The following CLYBL variants were observed in gnomAD, a reference collection of about 807,000 sequenced individuals.
The protein encoded by CLYBL is citramalyl-CoA lyase, mitochondrial.
In CLYBL, 31 loss-of-function variants were observed where a neutral mutation model predicts 38.9. The ratio of observed to expected loss-of-function variants is 0.80; its 90% CI spans 0.60 to 1.08. The LOEUF (loss-of-function observed/expected upper bound fraction) is 1.08, where lower values mean the gene tolerates loss of function less well. Among genes scored for constraint, CLYBL ranks in the 50% least tolerant of loss-of-function variants. CLYBL has a pLI of 0.00. For synonymous variants in CLYBL, 171 were observed against 158.6 expected, an observed-to-expected ratio of 1.08 and a Z score of -0.59; for missense variants, 434 against 411.6, an observed-to-expected ratio of 1.05 and a Z score of -0.47.
At chr13:99,818,057 G>A (rs556487790) in intron 2 of CLYBL, among the ~76,000 whole-genome samples, 4 of 151,740 alleles carry the variant, frequency 2.6e-5, no homozygotes, top group Non-Finnish European at 2.9e-5. Flanking sequence ...AAGAAGTGAC[G>A]GAAGAAGTGA....
intron 1 of CLYBL, among the ~76,000 whole-genome samples, chr13:99,749,737 T>C (rs2048920248): frequency 6.6e-6 from 1 of 152,202 alleles, no homozygotes; most frequent in Non-Finnish European, 1.5e-5. Flanking sequence ...TGGCACCACA[T>C]GCTAATCTCA....
At position 99,851,150 on chromosome 13, in the gene CLYBL, C is replaced by T. The variant is rs570787641; in HGVS notation, c.250-7711C>T. ...CACTTTGGGAGGCTGAGTGGGTCAC[C>T]TGAGGTCAGGAGTTTGAGACCAGCC... On this transcript the variant is annotated intron_variant, in intron 2 of 8. Transcript: ENST00000339105. 2.0e-5 allele frequency among the ~76,000 whole-genome samples: 3 copies of T among 151,982 alleles called. No homozygotes were observed. In the South Asian group the frequency reaches 6.3e-4, roughly 32 times the overall value.
intron 1 of CLYBL, among the ~76,000 whole-genome samples, chr13:99,760,965 T>C (rs1232101150): frequency 6.6e-6 from 1 of 152,218 alleles, no homozygotes; most frequent in East Asian, 1.9e-4. Flanking sequence ...TAGGTCTTAC[T>C]TCTTTATCAA....
chr13:99,901,607 G>A (rs1270289445), downstream of CLYBL, among the ~76,000 whole-genome samples: 3 of 150,694 alleles, frequency 2.0e-5, no homozygotes, highest in African/African-American at 7.3e-5. Flanking sequence ...TGCTGCCAAA[G>A]TTGCTATTTC....
intron 1 of CLYBL, among the ~76,000 whole-genome samples, chr13:99,642,229 T>C (rs2047106556): frequency 6.6e-6 from 1 of 152,134 alleles, no homozygotes; most frequent in South Asian, 2.1e-4. Context: ...ATGCTGACTC[T>C]TCAGTGCTGT....
intron 1 of CLYBL, among the ~76,000 whole-genome samples, chr13:99,725,295 T>A (rs2048454673): frequency 6.6e-6 from 1 of 152,180 alleles, no homozygotes; most frequent in South Asian, 2.1e-4. Context: ...CCGTGCGGTT[T>A]TTTTAAGGTT....
chr13:99,907,690 T>A (rs1388191663), intron 9 of CLYBL, among the ~76,000 whole-genome samples: 1 of 151,946 alleles, frequency 6.6e-6, no homozygotes, highest in Non-Finnish European at 1.5e-5. Context: ...GACCCCTCTA[T>A]CTCTAAAAAA....
chr13:99,623,601 T>A (rs894260631), intron 1 of CLYBL, among the ~76,000 whole-genome samples: 7 of 152,048 alleles, frequency 4.6e-5, no homozygotes, highest in Non-Finnish European at 1.0e-4. Flanking sequence ...AACACTTCCC[T>A]CCTTAGGTCC....
In CLYBL at chr13:99,650,426, AAAG is replaced by A. The variant is rs2047237101; in HGVS notation, c.62+43673_62+43675del. Reference sequence around the variant, plus strand: ...GACAGAATGAGACCCTGTCTCAAAAAAAGAAGTTTTCAAGAGGGGAAGAAATAA... The same window carrying A: ...GACAGAATGAGACCCTGTCTCAAAAAAAGTTTTCAAGAGGGGAAGAAATAA... On this transcript the variant is annotated intron_variant, in intron 1 of 8. Transcript: ENST00000339105. Among the ~76,000 whole-genome samples, 5 of 152,316 alleles carry A rather than the reference AAAG, an allele frequency of 3.3e-5. No homozygotes were observed. In the South Asian group the frequency reaches 1.0e-3, roughly 32 times the overall value.
At chr13:99,737,982 A>G (rs17577153) in intron 1 of CLYBL, among the ~76,000 whole-genome samples, 7,472 of 152,302 alleles carry the variant, frequency 0.049, 277 homozygotes, top group Admixed American at 0.086. Flanking sequence ...CTTCATGGTA[A>G]TTGAGAATGA....
intron 1 of CLYBL, among the ~76,000 whole-genome samples, chr13:99,668,570 A>G (rs2047516987): frequency 7.1e-6 from 1 of 139,910 alleles, no homozygotes; most frequent in Non-Finnish European, 1.5e-5. Flanking sequence ...TGGGAGACAG[A>G]GCGAAACTCC....
intron 1 of CLYBL, among the ~76,000 whole-genome samples, chr13:99,716,787 CT>C (rs1260332084): frequency 0.015 from 1,532 of 100,912 alleles, 6 homozygotes; most frequent in African/African-American, 0.051. Flanking sequence ...CTTTTCTTTT[CT>C]TTTTTTTTTT....
chr13:99,908,938 G>C (rs2052723721), exon 10 of CLYBL, among the ~76,000 whole-genome samples: 1 of 152,194 alleles, frequency 6.6e-6, no homozygotes, highest in South Asian at 2.1e-4. Flanking sequence ...ATGTAACTCA[G>C]AGTCCCATTC....
intron 7 of CLYBL, among the ~76,000 whole-genome samples, chr13:99,890,435 C>T (rs2052459767): frequency 1.3e-5 from 2 of 152,104 alleles, no homozygotes; most frequent in South Asian, 4.1e-4. Context: ...TTCAACAGAT[C>T]TATGATTCCT....
chr13:99,832,999 CATACATACATATATATATAT>C (rs1318552763), intron 2 of CLYBL, among the ~76,000 whole-genome samples: 4 of 53,678 alleles, frequency 7.5e-5, no homozygotes, highest in East Asian at 1.6e-3. Flanking sequence ...TATATACATA[CATACATACATATATATATAT>C]ATATATATAT....
At chr13:99,749,287 A>T (rs2048912347) in intron 1 of CLYBL, among the ~76,000 whole-genome samples, 2 of 152,240 alleles carry the variant, frequency 1.3e-5, no homozygotes, top group Non-Finnish European at 2.9e-5. Flanking sequence ...AGTACGCTGC[A>T]GTGAGACAGT....
chr13:99,813,833 C>T (rs149802143), intron 2 of CLYBL, among the ~76,000 whole-genome samples: 2 of 152,238 alleles, frequency 1.3e-5, no homozygotes, highest in East Asian at 3.9e-4. Context: ...TCCGCAAGTC[C>T]TTCTGCCTCT....
intron 1 of CLYBL, among the ~76,000 whole-genome samples, chr13:99,712,276 C>T (rs1180508579): frequency 6.6e-6 from 1 of 151,478 alleles, no homozygotes; most frequent in Non-Finnish European, 1.5e-5. Flanking sequence ...CCATACGGTA[C>T]ACTACAATTT....
chr13:99,754,438 A>AAAAAAAAAAAT (rs1245000518), intron 1 of CLYBL, among the ~76,000 whole-genome samples: 1 of 150,250 alleles, frequency 6.7e-6, no homozygotes, highest in African/African-American at 2.5e-5. Flanking sequence ...AAAAAAAAAA[A>AAAAAAAAAAAT]AGAGGAGAGA....
Sources: allele counts gnomAD v4.1 joint callset (sites outside exome capture counted in the v4.1 genomes callset), GRCh38; gene constraint gnomAD v4.1.1; transcripts MANE v1.5; gene names NCBI Gene and HGNC (gene_info 2026-07-23, HGNC 2026-07-21).